ISCU: variants seen among roughly 807,000 people sequenced by gnomAD.
ISCU encodes iron-sulfur cluster assembly enzyme.
In ISCU, 13 loss-of-function variants were observed where a neutral mutation model predicts 18.4. The observed-to-expected ratio is 0.71, with a 90% confidence interval of 0.46 to 1.12. The LOEUF is 1.12. Among genes scored for constraint, ISCU ranks in the 50% most tolerant of loss-of-function variants. The pLI is 0.00. For synonymous variants in ISCU, 104 were observed against 87.5 expected (o/e 1.19, Z -1.06); for missense variants, 229 against 208.7 (o/e 1.10, Z -0.60).
chr12:108,564,197 G>C, intron 1 of ISCU, 82 bp from the exon 2 acceptor site: 1 of 1,564,084 alleles, frequency 6.4e-7, no homozygotes, highest in Non-Finnish European at 8.8e-7. Flanking sequence ...GGTTCAAGAT[G>C]CTGACCGAGG....
Position 108,564,427 on chromosome 12 carries a change from ATCCCTTT to A in ISCU, c.228+36_228+42del, listed in dbSNP as rs767725000. ...GTCTTTTTTAATAGTGATAACAATAATCCCTTTAAGTTTACAAAGCACTTGCGCATTT... is the reference window on the plus strand; with the variant it reads ...GTCTTTTTTAATAGTGATAACAATAAAAGTTTACAAAGCACTTGCGCATTT... On this transcript the variant is annotated intron_variant, in intron 2 of 4. Coordinates refer to ENST00000311893, the MANE Select transcript of ISCU (RefSeq NM_213595.4). The A allele has an allele frequency of 1.6e-5, 23 of 1,412,746 alleles. No individual in the cohort carries two copies. In the East Asian group the frequency reaches 5.0e-4, roughly 31 times the overall value. 87.5% of individuals were successfully genotyped at this position (1,412,746 alleles called of 1,614,324 possible). A position where few individuals can be genotyped will look rare whatever the true frequency, so the allele number is the denominator to read the frequency against.
intron 1 of ISCU, chr12:108,563,979 T>G: frequency 1.1e-6 from 1 of 874,178 alleles, no homozygotes; most frequent in Non-Finnish European, 2.0e-6. Context: ...AGTCTGGTGA[T>G]GTAGGTGGGT....
upstream of ISCU, chr12:108,561,497 A>G (rs2030560311): frequency 2.1e-5 from 5 of 241,228 alleles, no homozygotes; most frequent in African/African-American, 4.5e-5. Context: ...AGAAGGTCAA[A>G]GTGATTCTTC....
intron 4 of ISCU, 170 bp downstream of exon 4, chr12:108,567,438 T>A (rs1228233175): frequency 1.2e-5 from 9 of 736,402 alleles, no homozygotes; most frequent in Non-Finnish European, 1.9e-5. Context: ...GGTCTCACAT[T>A]CATCCCTAAG....
At chr12:108,564,780 G>A (rs1473198433) in intron 2 of ISCU, among the ~76,000 whole-genome samples, 2 of 152,226 alleles carry the variant, frequency 1.3e-5, no homozygotes, top group Middle Eastern at 3.2e-3. Flanking sequence ...CCAGATTGGG[G>A]GAAACATGAA....
At chr12:108,562,594 C>T, upstream of ISCU, 3 of 1,332,382 alleles carry the variant, frequency 2.3e-6, no homozygotes, top group South Asian at 1.6e-5. Flanking sequence ...CGGCGTCGCT[C>T]TGGACTGGCG....
In ISCU at chr12:108,563,923, G is replaced by A. The variant is rs988433676; in HGVS notation, c.115-356G>A. On this transcript the variant is annotated intron_variant, in intron 1 of 4. Transcript: ENST00000311893. ...AATTTTTAAATAGTAATCATCCTTT[G>A]AGGATGGATTTTATTTGAAAATAAC... 8.6e-6 allele frequency: 6 copies of A among 699,612 alleles called. No homozygotes were observed. In the African/African-American group the frequency reaches 8.9e-5, roughly 10 times the overall value. The allele number at this position is 699,612 out of a possible 1,614,324, so 43.3% of individuals were successfully genotyped here.
intron 4 of ISCU, chr12:108,567,981 G>A: frequency 6.6e-7 from 1 of 1,524,466 alleles, no homozygotes; most frequent in East Asian, 2.4e-5. Context: ...AACCAAATTA[G>A]TTAAAAATCA....
chr12:108,565,423 G>A lies in ISCU; in HGVS notation c.331G>A (p.Gly111Arg). The change falls in exon 3 of 5, where the codon GGA (glycine) becomes AGA (arginine). Residue 111 changes from glycine (G) to arginine (R), a missense_variant. Coordinates refer to ENST00000311893, the MANE Select transcript of ISCU (RefSeq NM_213595.4). ...CTCATTAGCCACTGAATGGGTGAAA[G>A]GAAAGACGGTAAGGTGGCTCACAAA... ...SSSLATEWVK[G>R]KTVEEALTIK... 1 of 1,607,814 alleles carries A rather than the reference G, an allele frequency of 6.2e-7. No homozygotes were observed. Among genetic ancestry groups the A allele is most frequent in the Non-Finnish European group, 8.5e-7 (1 of 1,174,192 alleles).
At chr12:108,562,464 C>G, upstream of ISCU, 1 of 451,420 alleles carries the variant, frequency 2.2e-6, no homozygotes, top group South Asian at 4.8e-5. Flanking sequence ...GAGGCGTGGT[C>G]AAGGCGGGGC....
At chr12:108,564,093 C>T in intron 1 of ISCU, 186 bp from the exon 2 acceptor site, 1 of 1,612,242 alleles carries the variant, frequency 6.2e-7, no homozygotes, top group Non-Finnish European at 8.5e-7. Context: ...GTAGAGGAGA[C>T]ACAAAAGGAA....
upstream of ISCU, among the ~76,000 whole-genome samples, chr12:108,561,668 AAC>A (rs1331778456): frequency 6.6e-6 from 1 of 152,108 alleles, no homozygotes; most frequent in Non-Finnish European, 1.5e-5. Context: ...CCTTTATGTA[AAC>A]GTCTGGTACC....
At chr12:108,562,823 C>A in intron 1 of ISCU, 87 bp downstream of exon 1, 1 of 727,924 alleles carries the variant, frequency 1.4e-6, no homozygotes, top group Non-Finnish European at 2.0e-6. Flanking sequence ...GCAGCTAGGA[C>A]TGGGAGCTGT....
chr12:108,566,467 C>G (rs1230973824), intron 3 of ISCU, among the ~76,000 whole-genome samples: 1 of 152,188 alleles, frequency 6.6e-6, no homozygotes, highest in Non-Finnish European at 1.5e-5. Context: ...AGGAGCAGAA[C>G]CTGAATCAAC....
rs761922921 is a variant in ISCU, at chr12:108,565,316, T to C, written c.229-5T>C. ...CTCACCACTTAACTCTTGTCTCTTT[T>C]CTAGATTCAAGTGGATGAAAAGGGG... On this transcript the variant is annotated splice_region_variant and splice_polypyrimidine_tract_variant and intron_variant, in intron 2 of 4. Coordinates refer to ENST00000311893, the MANE Select transcript of ISCU (RefSeq NM_213595.4). 36 of 1,610,228 alleles carry C rather than the reference T, an allele frequency of 2.2e-5. No homozygotes were observed. The African/African-American group carries it at 4.4e-4, about 20-fold the overall frequency.
intron 1 of ISCU, chr12:108,562,939 G>T (rs1289410378): frequency 7.6e-6 from 3 of 393,890 alleles, no homozygotes; most frequent in Non-Finnish European, 9.0e-6. Flanking sequence ...CTTCCAGGGG[G>T]CCCCGCCGCT....
intron 2 of ISCU, 165 bp from the exon 3 acceptor site, chr12:108,565,156 C>A: frequency 1.6e-6 from 1 of 631,682 alleles, no homozygotes. Flanking sequence ...TTTCACTTTT[C>A]ATCACTGAGC....
At position 108,562,680 on chromosome 12, in the gene ISCU, A is replaced by G. The variant is rs1418863152; in HGVS notation, c.58A>G (p.Ser20Gly). The G allele has an allele frequency of 6.9e-7, 1 of 1,451,458 alleles. No individual in the cohort carries two copies. Among genetic ancestry groups the G allele is most frequent in the South Asian group, 1.4e-5 (1 of 70,926 alleles). The allele number at this position is 1,451,458 out of a possible 1,614,324, so 89.9% of individuals were successfully genotyped here. The change falls in exon 1 of 5, where the codon AGC becomes GGC. Residue 20 changes from serine to glycine, a missense_variant. Physicochemically the swap from Ser to Gly is moderately conservative, Grantham distance 56. Transcript: ENST00000311893. ...GGCGGCATCGGCTCTGCTGCTGCGG[A>G]GCCCCCGCCTGCCCGCCCGGGAGCT... ...RRAASALLLR[S>G]PRLPARELSA...
intron 2 of ISCU, chr12:108,564,968 G>A: frequency 3.0e-6 from 1 of 331,112 alleles, no homozygotes; most frequent in Non-Finnish European, 5.6e-6. Context: ...GACCTTTATT[G>A]TGGACTCTGT....
Sources: allele counts gnomAD v4.1 joint callset (sites outside exome capture counted in the v4.1 genomes callset), GRCh38; gene constraint gnomAD v4.1.1; transcripts MANE v1.5; gene names NCBI Gene and HGNC (gene_info 2026-07-23, HGNC 2026-07-21).